The following NBEA variants were observed in gnomAD, a reference collection of about 807,000 sequenced individuals.
NBEA encodes the protein neurobeachin, also known as lysosomal-trafficking regulator 2.
NBEA carries 44 observed loss-of-function variants against 343.4 expected under a neutral mutation model. That is an observed-to-expected ratio of 0.13 (90% confidence interval 0.10 to 0.16). The LOEUF (loss-of-function observed/expected upper bound fraction) is 0.16. NBEA is among the 10% of genes least tolerant of loss of function. The pLI is 1.00. For missense variants in NBEA, 2,555 were observed against 3,631.3 expected, an observed-to-expected ratio of 0.70 and a Z score of 7.62; for synonymous variants, 1,175 against 1,238.7, an observed-to-expected ratio of 0.95 and a Z score of 1.08.
At chr13:35,031,222 C>T (rs1009383561) in intron 1 of NBEA, among the ~76,000 whole-genome samples, 1 of 151,590 alleles carries the variant, frequency 6.6e-6, no homozygotes, top group Non-Finnish European at 1.5e-5. Context: ...TAGTTTATTT[C>T]TCGAGAACCT....
At chr13:35,498,045 G>A (rs1158691334) in intron 41 of NBEA, among the ~76,000 whole-genome samples, 1 of 151,904 alleles carries the variant, frequency 6.6e-6, no homozygotes. Flanking sequence ...GTATTGATTT[G>A]CACAAAAATT....
At chr13:35,008,400 C>G (rs773318388) in intron 1 of NBEA, among the ~76,000 whole-genome samples, 2 of 152,080 alleles carry the variant, frequency 1.3e-5, no homozygotes, top group Non-Finnish European at 2.9e-5. Context: ...TAAATAATCT[C>G]TAGATTACTT....
intron 35 of NBEA, among the ~76,000 whole-genome samples, chr13:35,295,292 CT>C (rs570013603): frequency 1.3e-5 from 2 of 151,440 alleles, no homozygotes; most frequent in South Asian, 4.1e-4. Flanking sequence ...AAATGTCTAA[CT>C]TTTAAACAGT....
Position 35,352,170 on chromosome 13 carries a change from A to G in NBEA, c.6026A>G (p.Gln2009Arg), listed in dbSNP as rs2152865552. ...ATTTCTTTATAGTCACAGTGTGCCCAATATGCTGCTGATAGAAGAGAGGAA... is the reference window on the plus strand; with the variant it reads ...ATTTCTTTATAGTCACAGTGTGCCCGATATGCTGCTGATAGAAGAGAGGAA... Reference protein sequence around the residue: ...KHAEFESQCAQYAADRREEEK... With the variant: ...KHAEFESQCARYAADRREEEK... Residue 2009 changes from glutamine (Q) to arginine (R), a missense_variant, in exon 38 of 59, where the codon CAA (glutamine) becomes CGA (arginine). This residue lies in a region of NBEA where 246 missense variants were observed against 313.7 expected (regional missense o/e 0.78). Transcript: ENST00000379939. 1 of 1,487,346 alleles carries G rather than the reference A, an allele frequency of 6.7e-7. No individual in the cohort carries two copies. Among genetic ancestry groups the G allele is most frequent in the East Asian group, 2.5e-5 (1 of 39,476 alleles). 92.1% of individuals were successfully genotyped at this position (1,487,346 alleles called of 1,614,324 possible).
chr13:35,105,877 G>A (rs912940253), intron 11 of NBEA, among the ~76,000 whole-genome samples: 5 of 151,998 alleles, frequency 3.3e-5, no homozygotes, highest in African/African-American at 1.2e-4. Flanking sequence ...GTATATGTGT[G>A]TGTGTATATT....
At chr13:35,649,997 G>A in intron 52 of NBEA, 150 bp downstream of exon 52, 1 of 806,004 alleles carries the variant, frequency 1.2e-6, no homozygotes, top group Non-Finnish European at 1.9e-6. Flanking sequence ...CCAACTAAGG[G>A]ACTTCTATCT....
At chr13:35,504,828 C>A (rs1482399427) in intron 41 of NBEA, among the ~76,000 whole-genome samples, 1 of 151,982 alleles carries the variant, frequency 6.6e-6, no homozygotes, top group Non-Finnish European at 1.5e-5. Context: ...AGGCTAGTCT[C>A]GAACTCCTGG....
At chr13:35,669,771 A>C (rs2085520384) in intron 58 of NBEA, among the ~76,000 whole-genome samples, 1 of 152,202 alleles carries the variant, frequency 6.6e-6, no homozygotes, top group African/African-American at 2.4e-5. Flanking sequence ...AAGGATCCAC[A>C]ACAAGAAACT....
intron 34 of NBEA, among the ~76,000 whole-genome samples, chr13:35,270,242 T>G (rs2034023972): frequency 6.6e-6 from 1 of 152,228 alleles, no homozygotes; most frequent in African/African-American, 2.4e-5. Flanking sequence ...TCTTTTGTCA[T>G]AAACAAACAT....
intron 43 of NBEA, among the ~76,000 whole-genome samples, chr13:35,553,206 T>C (rs1229500964): frequency 6.6e-6 from 1 of 152,184 alleles, no homozygotes; most frequent in Non-Finnish European, 1.5e-5. Context: ...GATGATTCTT[T>C]ATAAGAAAAC....
At chr13:35,471,271 CCGGCCCGG>C in intron 40 of NBEA, among the ~76,000 whole-genome samples, 1 of 152,258 alleles carries the variant, frequency 6.6e-6, no homozygotes, top group East Asian at 2.0e-4. Flanking sequence ...TCTCCCGAGC[CCGGCCCGG>C]CGGGGGCCGA....
At chr13:35,615,820 G>A (rs950326063) in intron 48 of NBEA, among the ~76,000 whole-genome samples, 4 of 152,136 alleles carry the variant, frequency 2.6e-5, no homozygotes, top group African/African-American at 7.2e-5. Flanking sequence ...CAGAAGATGG[G>A]AAGAGATGAG....
intron 48 of NBEA, among the ~76,000 whole-genome samples, chr13:35,612,617 G>T (rs1029403914): frequency 5.9e-5 from 9 of 152,122 alleles, no homozygotes; most frequent in Admixed American, 2.6e-4. Context: ...TTTTATTACT[G>T]ATGTGCCTAA....
chr13:34,998,718 G>T (rs1003472522), intron 1 of NBEA, among the ~76,000 whole-genome samples: 1 of 152,068 alleles, frequency 6.6e-6, no homozygotes, highest in African/African-American at 2.4e-5. Flanking sequence ...CTGTTATCCT[G>T]TTCTTTTTTT....
At chr13:35,633,847 T>C (rs1283809422) in intron 49 of NBEA, among the ~76,000 whole-genome samples, 2 of 152,154 alleles carry the variant, frequency 1.3e-5, no homozygotes, top group South Asian at 2.1e-4. Flanking sequence ...AAAAAATCTG[T>C]TAGCAACAGA....
intron 49 of NBEA, among the ~76,000 whole-genome samples, chr13:35,638,310 T>G (rs2083790061): frequency 6.6e-6 from 1 of 152,154 alleles, no homozygotes; most frequent in African/African-American, 2.4e-5. Context: ...GAAGAGAGTT[T>G]AATAATGGTT....
intron 1 of NBEA, among the ~76,000 whole-genome samples, chr13:34,954,995 CAG>C (rs1025193479): frequency 6.6e-6 from 1 of 152,092 alleles, no homozygotes; most frequent in African/African-American, 2.4e-5. Context: ...GGTAAGGAGT[CAG>C]AGTGTTTTTG....
intron 10 of NBEA, among the ~76,000 whole-genome samples, chr13:35,075,758 ATAAT>A (rs1164834435): frequency 6.6e-6 from 1 of 152,090 alleles, no homozygotes; most frequent in Non-Finnish European, 1.5e-5. Context: ...CAGCCCCTTA[ATAAT>A]TAAGTATTTC....
intron 8 of NBEA, among the ~76,000 whole-genome samples, chr13:35,065,684 A>G (rs1713962488): frequency 6.6e-6 from 1 of 151,800 alleles, no homozygotes; most frequent in Non-Finnish European, 1.5e-5. Flanking sequence ...TTTCTCTCTC[A>G]TTTTAAAATT....
Sources: allele counts gnomAD v4.1 joint callset (sites outside exome capture counted in the v4.1 genomes callset), GRCh38; gene constraint gnomAD v4.1.1; regional missense constraint gnomAD v4.1.1; transcripts MANE v1.5; gene names NCBI Gene and HGNC (gene_info 2026-07-23, HGNC 2026-07-21).